BTD: variants seen among roughly 807,000 people sequenced by gnomAD.
The protein encoded by BTD is biocytinase.
Under a neutral mutation model 17.7 loss-of-function variants are expected in BTD, and 13 were observed. The ratio of observed to expected loss-of-function variants is 0.74; its 90% CI spans 0.48 to 1.17. BTD has a LOEUF of 1.17. Ranked by LOEUF, BTD falls within the 50% of genes most tolerant of loss-of-function variation. The probability of loss-of-function intolerance (pLI) is 0.00; values close to 1 mark genes in which losing one functional copy is unlikely to be tolerated. For synonymous variants in BTD, 240 were observed against 245.2 expected, an observed-to-expected ratio of 0.98 and a Z score of 0.20; for missense variants, 674 against 650.4, an observed-to-expected ratio of 1.04 and a Z score of -0.39.
intron 1 of BTD, chr3:15,631,534 T>C: frequency 6.9e-7 from 1 of 1,455,980 alleles, no homozygotes; most frequent in South Asian, 1.2e-5. Flanking sequence ...TATCTAGTGA[T>C]TGACATATTA....
At chr3:15,624,962 G>T (rs111804763) in intron 1 of BTD, among the ~76,000 whole-genome samples, 215 of 152,228 alleles carry the variant, frequency 1.4e-3, no homozygotes, top group African/African-American at 5.1e-3. Flanking sequence ...TGAACTCCTG[G>T]CCTTAAGCTC....
At chr3:15,721,104 T>G (rs201442494) in intron 4 of BTD, 16 of 1,612,384 alleles carry the variant, frequency 9.9e-6, no homozygotes, top group Non-Finnish European at 1.4e-5. Context: ...GAGGTGTATT[T>G]CCATAGGCAT....
At chr3:15,678,852 T>C (rs563521828) in intron 3 of BTD, among the ~76,000 whole-genome samples, 1 of 152,228 alleles carries the variant, frequency 6.6e-6, no homozygotes, top group Non-Finnish European at 1.5e-5. Flanking sequence ...AATGTAAAAA[T>C]AATTGAGATC....
intron 3 of BTD, among the ~76,000 whole-genome samples, chr3:15,692,616 C>T: frequency 6.6e-6 from 1 of 152,152 alleles, no homozygotes; most frequent in Admixed American, 6.5e-5. Context: ...GGCCAGTCTC[C>T]TTAAGCCTCA....
intron 1 of BTD, chr3:15,630,179 C>G (rs913766446): frequency 3.1e-6 from 2 of 655,630 alleles, no homozygotes; most frequent in Non-Finnish European, 3.8e-6. Context: ...CTTTCTGGGT[C>G]TTGTTTAACT....
chr3:15,617,987 G>A (rs375158510), intron 1 of BTD, among the ~76,000 whole-genome samples: 9 of 152,100 alleles, frequency 5.9e-5, no homozygotes, highest in African/African-American at 1.7e-4. Context: ...GACAGGTCTC[G>A]CTCTGTCATC....
intron 3 of BTD, chr3:15,695,190 C>T: frequency 6.3e-7 from 1 of 1,595,452 alleles, no homozygotes; most frequent in South Asian, 1.1e-5. Context: ...ATACTTACAA[C>T]ATCTAGAGGA....
rs1396921971 is a variant in BTD at position 15,647,771 on chromosome 3, G to A, written c.*2283G>A. On this transcript the variant is annotated 3_prime_UTR_variant, in exon 4 of 4. Transcript: ENST00000643237. ...ATTTTTGGCTAAACCAGACTTGGGG[G>A]AAGTGGCTTGGTTTGCGTGGTTTCT... 1 of 152,194 alleles carries A rather than the reference G, an allele frequency of 6.6e-6. No individual in the cohort carries two copies. Among genetic ancestry groups the A allele is most frequent in the East Asian group, 1.9e-4 (1 of 5,194 alleles). The allele number at this position is 152,194 out of a possible 1,614,324, so 9.4% of individuals were successfully genotyped here.
In BTD at chr3:15,661,957, G is replaced by T. The variant is rs143806097; in HGVS notation, c.399+19900G>T. Among the ~76,000 whole-genome samples the T allele has an allele frequency of 4.8e-3, 724 of 152,230 alleles. 9 individuals are homozygous for T. Among genetic ancestry groups the T allele is most frequent in the Middle Eastern group, 0.01 (3 of 294 alleles). On this transcript the variant is annotated intron_variant, in intron 3 of 3. Transcript: ENST00000672141. ...ACTATATTTATGTGGGTCTATTTCT[G>T]GGTTCTCTATCTGTTCCACTGATCT...
Position 15,708,586 on chromosome 3 carries a change from G to C in BTD, c.400-1474G>C, listed in dbSNP as rs147682804. Among the ~76,000 whole-genome samples, 620 of 152,168 alleles carry C rather than the reference G, an allele frequency of 4.1e-3. 2 individuals are homozygous for C. Among genetic ancestry groups the C allele is most frequent in the East Asian group, 0.023 (118 of 5,186 alleles). ...AGCCCTCTCTGTTATTTGTAGTATA[G>C]AATGCCTGAAGTACTAAAAATTAAT... On this transcript the variant is annotated intron_variant, in intron 3 of 3. Coordinates refer to the BTD transcript ENST00000672141.
At chr3:15,716,606 C>T (rs1161184520), downstream of BTD, among the ~76,000 whole-genome samples, 2 of 151,840 alleles carry the variant, frequency 1.3e-5, no homozygotes, top group Non-Finnish European at 2.9e-5. Flanking sequence ...TTTTTACAGA[C>T]ATAAGGAAAA....
Position 15,601,775 on chromosome 3 carries a change from G to C in BTD, c.-136G>C. 6.2e-7 allele frequency: 1 copy of C among 1,611,306 alleles called. No individual in the cohort carries two copies. Among genetic ancestry groups the C allele is most frequent in the Non-Finnish European group, 8.5e-7 (1 of 1,178,748 alleles). On this transcript the variant is annotated 5_prime_UTR_variant, in exon 1 of 4. Transcript: ENST00000643237. ...ATTGCTGCCTATGCAAAGCAGGTAA[G>C]AAGCCGAACTCTGAGGCCTCTCGCC...
intron 3 of BTD, chr3:15,685,112 A>C: frequency 9.7e-7 from 1 of 1,030,032 alleles, no homozygotes; most frequent in South Asian, 1.4e-5. Context: ...CCTATACAGT[A>C]GATTATTCCC....
chr3:15,690,714 G>A (rs570339635), intron 3 of BTD, among the ~76,000 whole-genome samples: 95 of 152,190 alleles, frequency 6.2e-4, no homozygotes, highest in African/African-American at 2.2e-3. Context: ...AGAGGTACAC[G>A]TCACCATGCC....
intron 1 of BTD, among the ~76,000 whole-genome samples, chr3:15,627,771 G>GC (rs2065101915): frequency 1.3e-5 from 2 of 152,088 alleles, no homozygotes; most frequent in Non-Finnish European, 2.9e-5. Flanking sequence ...GCCCAGGCTG[G>GC]AGTGCAATGG....
intron 4 of BTD, among the ~76,000 whole-genome samples, chr3:15,718,100 A>T (rs2073284504): frequency 6.6e-6 from 1 of 152,226 alleles, no homozygotes; most frequent in African/African-American, 2.4e-5. Flanking sequence ...AATTATAAAA[A>T]ATACAGTTGT....
rs2065627596 is a variant in BTD, at chr3:15,644,309, C to T, written c.400-7C>T. 2.5e-6 allele frequency: 4 copies of T among 1,611,802 alleles called. No individual in the cohort carries two copies. The South Asian group carries it at 3.3e-5, about 13-fold the overall frequency. On this transcript the variant is annotated splice_polypyrimidine_tract_variant and splice_region_variant and intron_variant, in intron 3 of 3. Coordinates refer to ENST00000643237, the MANE Select transcript of BTD (RefSeq NM_001370658.1). The stretch of plus-strand genomic sequence containing the variant: ...ACCTCATTTATTTACACCTTTTTTT[C>T]CTCTAGGTGCTCCAGCGCCTGAGTT...
At chr3:15,687,808 C>G (rs544505729) in intron 3 of BTD, among the ~76,000 whole-genome samples, 1 of 152,204 alleles carries the variant, frequency 6.6e-6, no homozygotes, top group East Asian at 1.9e-4. Context: ...CTTGTTTGGC[C>G]CATCATTTTT....
At chr3:15,686,881 T>G (rs2125778280) in intron 3 of BTD, among the ~76,000 whole-genome samples, 1 of 152,024 alleles carries the variant, frequency 6.6e-6, no homozygotes, top group East Asian at 1.9e-4. Flanking sequence ...ATAACAGAAT[T>G]TAATCCAGAG....
Sources: gnomAD v4.1 joint callset for allele counts (sites outside exome capture counted in the v4.1 genomes callset) on GRCh38, gnomAD v4.1.1 for gene constraint, MANE v1.5 for transcripts, NCBI Gene and HGNC (gene_info 2026-07-23, HGNC 2026-07-21) for gene names.